CNTLN: variants seen among roughly 807,000 people sequenced by gnomAD.
CNTLN encodes the protein centlein, centrosomal protein.
Under a neutral mutation model 180.0 loss-of-function variants are expected in CNTLN, and 212 were observed. That is an observed-to-expected ratio of 1.18 (90% CI 1.05 to 1.32). The LOEUF (loss-of-function observed/expected upper bound fraction) is 1.32, where lower values mean the gene tolerates loss of function less well. Among genes scored for constraint, CNTLN ranks in the 40% most tolerant of loss-of-function variants. CNTLN has a pLI of 0.00. For missense variants in CNTLN, 2,095 were observed against 1,610.9 expected, an observed-to-expected ratio of 1.30 and a Z score of -5.14; for synonymous variants, 722 against 563.1, an observed-to-expected ratio of 1.28 and a Z score of -3.99.
intron 15 of CNTLN, among the ~76,000 whole-genome samples, chr9:17,397,919 G>A (rs947739147): frequency 9.2e-5 from 14 of 151,914 alleles, no homozygotes; most frequent in African/African-American, 3.1e-4. Flanking sequence ...ATTCTCAAAC[G>A]GCTAGAAATT....
intron 5 of CNTLN, among the ~76,000 whole-genome samples, chr9:17,272,555 C>A (rs1828026650): frequency 6.6e-6 from 1 of 152,112 alleles, no homozygotes; most frequent in African/African-American, 2.4e-5. Flanking sequence ...GGAGCTAGAT[C>A]TTCTTTCCAG....
intron 24 of CNTLN, 122 bp downstream of exon 24, chr9:17,484,602 T>C: frequency 1.3e-6 from 1 of 758,100 alleles, no homozygotes; most frequent in Non-Finnish European, 2.0e-6. Flanking sequence ...GATGGTAAGA[T>C]GGTTAAAGTG....
chr9:17,277,625 A>G (rs1353438078), intron 6 of CNTLN, among the ~76,000 whole-genome samples: 1 of 152,118 alleles, frequency 6.6e-6, no homozygotes, highest in Non-Finnish European at 1.5e-5. Flanking sequence ...TGATTAATTC[A>G]CGTAGAGAAC....
chr9:17,150,385 C>G (rs1026466164), intron 2 of CNTLN, among the ~76,000 whole-genome samples: 1 of 152,182 alleles, frequency 6.6e-6, no homozygotes, highest in Non-Finnish European at 1.5e-5. Context: ...CCAGTTTTCC[C>G]AACACCATTT....
intron 2 of CNTLN, among the ~76,000 whole-genome samples, chr9:17,220,357 G>T (rs886080069): frequency 6.6e-6 from 1 of 151,974 alleles, no homozygotes; most frequent in Non-Finnish European, 1.5e-5. Flanking sequence ...CATTAGTGGG[G>T]ATCTTAAGTT....
chr9:17,466,754 G>T lies in CNTLN; in HGVS notation c.3718G>T (p.Ala1240Ser), dbSNP rs756918836. The T allele has an allele frequency of 6.2e-7, 1 of 1,610,530 alleles. No individual in the cohort carries two copies. ...LVSRISETESAMAEIETAASK... is the reference protein window; with the variant it reads ...LVSRISETESSMAEIETAASK... ...ATCAAGAATAAGTGAGACTGAATCT[G>T]CAATGGCAGAAATTGAAACAGCAGC... Residue 1240 changes from alanine (A) to serine (S), a missense_variant, in exon 23 of 26, where the codon GCA becomes TCA. Coordinates refer to ENST00000380647, the MANE Select transcript of CNTLN (RefSeq NM_017738.4).
chr9:17,309,133 C>T lies in CNTLN; in HGVS notation c.1222C>T (p.Leu408Phe). Residue 408 changes from leucine (L) to phenylalanine (F), a missense_variant, in exon 8 of 26, where the codon CTT becomes TTT. Transcript: ENST00000380647. ...EAMLRQSVTN[L>F]QDQLLQKEQE... ...TATGCTCCGGCAAAGTGTTACTAAT[C>T]TTCAGGATCAGCTATTACAAAAAGA... is the stretch of plus-strand genomic sequence containing the variant. 1 of 1,610,116 alleles carries T rather than the reference C, an allele frequency of 6.2e-7. No homozygotes were observed. The highest frequency in any genetic ancestry group is 1.7e-4 in the Middle Eastern group (1 of 6,032).
At chr9:17,376,480 C>T (rs1311559404) in intron 13 of CNTLN, among the ~76,000 whole-genome samples, 3 of 147,592 alleles carry the variant, frequency 2.0e-5, no homozygotes, top group African/African-American at 7.5e-5. Flanking sequence ...GAGACGGAGT[C>T]TCGCTCTGTC....
intron 19 of CNTLN, among the ~76,000 whole-genome samples, chr9:17,459,443 G>C (rs1831327383): frequency 6.6e-6 from 1 of 151,776 alleles, no homozygotes; most frequent in Non-Finnish European, 1.5e-5. Flanking sequence ...AAACTGTATA[G>C]GGACAAAAAG....
At chr9:17,523,637 A>T in the CNTLN span, among the ~76,000 whole-genome samples, 1 of 152,220 alleles carries the variant, frequency 6.6e-6, no homozygotes, top group African/African-American at 2.4e-5. Flanking sequence ...AGATTATCTT[A>T]TGGATTATTT....
At chr9:17,163,327 G>A (rs1334412123) in intron 2 of CNTLN, among the ~76,000 whole-genome samples, 1 of 152,098 alleles carries the variant, frequency 6.6e-6, no homozygotes, top group Non-Finnish European at 1.5e-5. Flanking sequence ...CTAATGCATT[G>A]TTTTATTGTT....
In CNTLN at chr9:17,302,111, CACACACACAG is replaced by C. The variant is rs1226254077; in HGVS notation, c.1146+3769_1146+3778del. The C allele has an allele frequency of 8.9e-4, 675 of 755,790 alleles. 1 individual carries two copies. In the African/African-American group the frequency reaches 0.012, roughly 14 times the overall value. The allele number at this position is 755,790 out of a possible 1,614,324, so 46.8% of individuals were successfully genotyped here. A position where few individuals can be genotyped will look rare whatever the true frequency, so the allele number is the denominator to read the frequency against. On this transcript the variant is annotated intron_variant, in intron 7 of 25. Coordinates refer to ENST00000380647, the MANE Select transcript of CNTLN (RefSeq NM_017738.4). Reference sequence around the variant, plus strand: ...GTGTACACACACACACACACACACACACACACACAGACACACACACACTGACCTATCCACC... The same window carrying C: ...GTGTACACACACACACACACACACACACACACACACACTGACCTATCCACC...
At chr9:17,145,858 A>G (rs1818422763) in intron 2 of CNTLN, among the ~76,000 whole-genome samples, 2 of 151,588 alleles carry the variant, frequency 1.3e-5, no homozygotes. Flanking sequence ...ACGTTTTCTG[A>G]CTCCTTAAAT....
intron 16 of CNTLN, among the ~76,000 whole-genome samples, chr9:17,411,800 C>G (rs112016484): frequency 0.024 from 3,630 of 152,174 alleles, 58 homozygotes; most frequent in Non-Finnish European, 0.035. Context: ...CACTCCACCC[C>G]CTATCCATGC....
At chr9:17,177,817 G>C (rs932396906) in intron 2 of CNTLN, among the ~76,000 whole-genome samples, 1 of 152,130 alleles carries the variant, frequency 6.6e-6, no homozygotes, top group African/African-American at 2.4e-5. Context: ...TGCAAAGAGC[G>C]AAAGAACAAA....
chr9:17,212,848 G>A lies in CNTLN; in HGVS notation c.450-13355G>A, dbSNP rs1423438959. On this transcript the variant is annotated intron_variant, in intron 2 of 25. Coordinates refer to ENST00000380647, the MANE Select transcript of CNTLN (RefSeq NM_017738.4). ...TTTTCTAGTTTATTTGCATAGATGT[G>A]TTTATAGTATTCTCTGATGGTAATT... Among the ~76,000 whole-genome samples, 3 of 152,140 alleles carry A rather than the reference G, an allele frequency of 2.0e-5. No individual in the cohort carries two copies. In the East Asian group the frequency reaches 5.8e-4, roughly 29 times the overall value.
At chr9:17,135,949 G>A (rs75388548) in intron 1 of CNTLN, among the ~76,000 whole-genome samples, 134 of 152,244 alleles carry the variant, frequency 8.8e-4, no homozygotes, top group African/African-American at 3.1e-3. Flanking sequence ...CTCAGAGCCG[G>A]GAACTTAACA....
chr9:17,472,635 T>C (rs980123055), intron 23 of CNTLN, among the ~76,000 whole-genome samples: 1 of 152,126 alleles, frequency 6.6e-6, no homozygotes, highest in East Asian at 1.9e-4. Flanking sequence ...GACTGGTAGA[T>C]GCTACTAGCA....
intron 2 of CNTLN, among the ~76,000 whole-genome samples, chr9:17,168,893 C>T (rs949655655): frequency 1.3e-5 from 2 of 151,942 alleles, no homozygotes; most frequent in Admixed American, 6.6e-5. Flanking sequence ...ATAGTTTTAC[C>T]GAAAGACCAG....
Sources: gnomAD v4.1 joint callset for allele counts (sites outside exome capture counted in the v4.1 genomes callset) on GRCh38, gnomAD v4.1.1 for gene constraint, MANE v1.5 for transcripts, NCBI Gene and HGNC (gene_info 2026-07-23, HGNC 2026-07-21) for gene names.